The following VAV2 variants were observed in gnomAD, a reference collection of about 807,000 sequenced individuals.
VAV2 encodes guanine nucleotide exchange factor VAV2.
Under a neutral mutation model 132.5 loss-of-function variants are expected in VAV2, and 67 were observed. The observed-to-expected ratio is 0.51, with a 90% CI of 0.42 to 0.62. The LOEUF (loss-of-function observed/expected upper bound fraction) is 0.62. VAV2 is among the 20% of genes least tolerant of loss of function. The probability of loss-of-function intolerance (pLI) is 0.00; values close to 1 mark genes in which losing one functional copy is unlikely to be tolerated. For synonymous variants in VAV2, 492 were observed against 443.5 expected (o/e 1.11, Z -1.37); for missense variants, 938 against 1,153.6 (o/e 0.81, Z 2.71).
intron 22 of VAV2, among the ~76,000 whole-genome samples, chr9:133,778,168 G>GGGGATGAACGCCCACAAAGGTCCCC (rs138785777): frequency 6.6e-6 from 1 of 151,910 alleles, no homozygotes; most frequent in Non-Finnish European, 1.5e-5. Context: ...TGCTGAAGGT[G>GGGGATGAACGCCCACAAAGGTCCCC]GGGATGAACG....
chr9:133,975,561 T>C (rs1842477298), intron 1 of VAV2, among the ~76,000 whole-genome samples: 1 of 152,154 alleles, frequency 6.6e-6, no homozygotes, highest in African/African-American at 2.4e-5. Flanking sequence ...ATAAGGAAAC[T>C]GAGGCTCAGA....
At chr9:133,890,886 G>A (rs1009843122) in intron 2 of VAV2, among the ~76,000 whole-genome samples, 40 of 152,072 alleles carry the variant, frequency 2.6e-4, no homozygotes, top group African/African-American at 4.1e-4. Context: ...TGGGCACTAC[G>A]GAGGGGCATC....
chr9:133,818,022 A>T (rs1448014989), intron 4 of VAV2, among the ~76,000 whole-genome samples: 2 of 152,148 alleles, frequency 1.3e-5, no homozygotes, highest in Admixed American at 1.3e-4. Flanking sequence ...TACCCTCACC[A>T]GTGCGGACAG....
intron 3 of VAV2, among the ~76,000 whole-genome samples, chr9:133,836,089 T>A (rs908181744): frequency 6.6e-6 from 1 of 152,306 alleles, no homozygotes; most frequent in East Asian, 1.9e-4. Flanking sequence ...GACAGTGCCA[T>A]TTACGGCCAA....
chr9:133,791,090 C>T (rs1019004155), intron 13 of VAV2, among the ~76,000 whole-genome samples: 5 of 152,324 alleles, frequency 3.3e-5, no homozygotes, highest in South Asian at 2.1e-4. Flanking sequence ...CAGCCCCAGA[C>T]GTCAGCAGTG....
At chr9:133,771,503 A>C (rs552974433) in intron 26 of VAV2, among the ~76,000 whole-genome samples, 1 of 152,216 alleles carries the variant, frequency 6.6e-6, no homozygotes. Flanking sequence ...ATAACTTTAA[A>C]ATCATTTCAA....
At chr9:133,869,844 G>A (rs1479070857) in intron 2 of VAV2, among the ~76,000 whole-genome samples, 5 of 152,168 alleles carry the variant, frequency 3.3e-5, no homozygotes, top group Non-Finnish European at 7.3e-5. Context: ...ACACGCACAC[G>A]CAGCCCAACG....
intron 17 of VAV2, among the ~76,000 whole-genome samples, chr9:133,785,418 G>A (rs1164164511): frequency 2.0e-5 from 3 of 152,178 alleles, no homozygotes; most frequent in Non-Finnish European, 4.4e-5. Flanking sequence ...TGAAGACTGG[G>A]GTCACCAGGA....
At chr9:133,984,681 T>C (rs1384101884) in intron 1 of VAV2, among the ~76,000 whole-genome samples, 1 of 152,070 alleles carries the variant, frequency 6.6e-6, no homozygotes, top group Non-Finnish European at 1.5e-5. Flanking sequence ...TCAAGAGCAG[T>C]AATGCCCCTG....
Position 133,807,302 on chromosome 9 carries a change from C to T in VAV2, c.691G>A (p.Val231Met), listed in dbSNP as rs746265076. Residue 231 changes from valine to methionine, a missense_variant, in exon 8 of 30, where the codon GTG becomes ATG. Transcript: ENST00000371850. Reference protein sequence around the residue: ...EKNYMSPLRLVLSPADMAAVF... With the variant: ...EKNYMSPLRLMLSPADMAAVF... ...GCTGCCATGTCCGCCGGGCTCAGCA[C>T]CAGCCGCAGGGGGCTCATGTAGTTC... is the stretch of plus-strand genomic sequence containing the variant. 1.2e-6 allele frequency: 2 copies of T among 1,611,204 alleles called. No individual in the cohort carries two copies. The highest frequency in any genetic ancestry group is 1.1e-5 in the South Asian group (1 of 90,416).
At chr9:133,936,326 T>C (rs910657033) in intron 2 of VAV2, among the ~76,000 whole-genome samples, 3 of 150,146 alleles carry the variant, frequency 2.0e-5, no homozygotes, top group African/African-American at 7.4e-5. Flanking sequence ...CACTCCAACC[T>C]TCACCTCCTG....
At position 133,954,755 on chromosome 9, in the gene VAV2, CAT is replaced by C. The variant is rs530968678; in HGVS notation, c.205-15538_205-15537del. ...AGGTGCTTAGGGGTGTACAGGCGTGCATGTGTTCATGTGTGTGCACATGTATG... is the reference window on the plus strand; with the variant it reads ...AGGTGCTTAGGGGTGTACAGGCGTGCGTGTTCATGTGTGTGCACATGTATG... On this transcript the variant is annotated intron_variant, in intron 1 of 29. Transcript: ENST00000371850. Among the ~76,000 whole-genome samples the C allele has an allele frequency of 2.6e-4, 39 of 149,034 alleles. No individual in the cohort carries two copies. In the East Asian group the frequency reaches 6.4e-3, roughly 25 times the overall value.
chr9:133,866,161 G>A (rs1156803337), intron 2 of VAV2, among the ~76,000 whole-genome samples: 1 of 152,226 alleles, frequency 6.6e-6, no homozygotes, highest in African/African-American at 2.4e-5. Context: ...CCCCCAGGGG[G>A]TGGGTGGGGA....
intron 13 of VAV2, among the ~76,000 whole-genome samples, chr9:133,790,320 G>A (rs555441364): frequency 2.6e-5 from 4 of 152,228 alleles, no homozygotes; most frequent in Admixed American, 6.5e-5. Context: ...GCGATTATAG[G>A]CACCCGCCAG....
rs754768892 is a variant in VAV2, at chr9:133,884,685, A to C, written c.322-23253T>G. On this transcript the variant is annotated intron_variant, in intron 2 of 29. Transcript: ENST00000371850. The surrounding 1 kb of genome is among the most constrained non-coding windows in gnomAD (Gnocchi z 5.3). ...TTGCTAAAAAGAAAAACAAAAAAAA[A>C]CACCTCTGGCTTTAAAAATGTTTTA... Among the ~76,000 whole-genome samples the C allele has an allele frequency of 1.3e-5, 2 of 152,338 alleles. No homozygotes were observed. Among genetic ancestry groups the C allele is most frequent in the African/African-American group, 4.8e-5 (2 of 41,586 alleles).
At position 133,823,182 on chromosome 9, in the gene VAV2, C is replaced by A. The variant is rs1458582538; in HGVS notation, c.450-10966G>T. ...ACCAGGCCCAGGCCTAGTTAGGTGT[C>A]CTCTCTGTGCTCTGCTCCTTTATGA... On this transcript the variant is annotated intron_variant, in intron 4 of 29. Transcript: ENST00000371850. This position sits in a 1 kb window ranked among gnomAD's most constrained non-coding sequence, Gnocchi z 5.5. 6.6e-6 allele frequency among the ~76,000 whole-genome samples: 1 copy of A among 152,246 alleles called. No homozygotes were observed. Among genetic ancestry groups the A allele is most frequent in the Non-Finnish European group, 1.5e-5 (1 of 68,050 alleles).
intron 2 of VAV2, among the ~76,000 whole-genome samples, chr9:133,893,118 G>A (rs914698162): frequency 4.6e-5 from 7 of 152,122 alleles, no homozygotes; most frequent in Admixed American, 2.6e-4. Flanking sequence ...CTCTGAGTCC[G>A]ATCTGGGCAC....
At chr9:133,796,285 TG>T in intron 11 of VAV2, 143 bp downstream of exon 11, 1 of 650,024 alleles carries the variant, frequency 1.5e-6, no homozygotes, top group South Asian at 2.0e-5. Flanking sequence ...CATTGAGCGG[TG>T]ATTATGAGCT....
chr9:133,800,604 C>A (rs550873430), intron 9 of VAV2, among the ~76,000 whole-genome samples: 1 of 152,298 alleles, frequency 6.6e-6, no homozygotes, highest in Non-Finnish European at 1.5e-5. Context: ...CGAGGCAAGT[C>A]TTCATGTAGG....
Sources: gnomAD v4.1 joint callset for allele counts (sites outside exome capture counted in the v4.1 genomes callset) on GRCh38, gnomAD v4.1.1 for gene constraint, Gnocchi (gnomAD v3.1) non-coding constraint, MANE v1.5 for transcripts, NCBI Gene and HGNC (gene_info 2026-07-23, HGNC 2026-07-21) for gene names.